Variants in USP39 observed in about 807,000 individuals in gnomAD.
USP39 encodes ubiquitin specific peptidase 39.
USP39 carries 38 observed loss-of-function variants against 66.4 expected under a neutral mutation model. That is an observed-to-expected ratio of 0.57 (90% CI 0.44 to 0.75). USP39 has a LOEUF of 0.75. Among genes scored for constraint, USP39 ranks in the 30% least tolerant of loss-of-function variants. USP39 has a pLI of 0.00. For missense variants in USP39, 608 were observed against 714.4 expected, an observed-to-expected ratio of 0.85 and a Z score of 1.70; for synonymous variants, 303 against 274.6, an observed-to-expected ratio of 1.10 and a Z score of -1.02.
In USP39 at chr2:85,648,823, G is replaced by A. The variant is rs1387010171; in HGVS notation, c.*15G>A. 4 of 1,613,910 alleles carry A rather than the reference G, an allele frequency of 2.5e-6. No homozygotes were observed. The African/African-American group carries it at 5.3e-5, about 22-fold the overall frequency. On this transcript the variant is annotated 3_prime_UTR_variant, in exon 13 of 13. Transcript: ENST00000323701. ...AGGGGGCTTGAAGGAGGCGTCTAGG[G>A]CTTTGCTCCCAAGGGCTGTGGCTGA...
rs115658173 is a variant in USP39, at chr2:85,648,840, T to C, written c.*32T>C. ...CGTCTAGGGCTTTGCTCCCAAGGGC[T>C]GTGGCTGATGATGGTAAATAAGAAC... On this transcript the variant is annotated 3_prime_UTR_variant, in exon 13 of 13. Transcript: ENST00000323701. The C allele has an allele frequency of 5.5e-4, 894 of 1,612,762 alleles. 7 individuals are homozygous for C. In the African/African-American group the frequency reaches 0.011, roughly 21 times the overall value.
At chr2:85,614,074 C>G (rs996148653), upstream of USP39, among the ~76,000 whole-genome samples, 1 of 151,940 alleles carries the variant, frequency 6.6e-6, no homozygotes, top group Admixed American at 6.6e-5. Context: ...GGGCCCAGAT[C>G]CCGTCTCTTG....
chr2:85,616,591 G>A, intron 1 of USP39, 128 bp downstream of exon 1: 2 of 1,377,152 alleles, frequency 1.5e-6, no homozygotes, highest in Non-Finnish European at 9.5e-7. Flanking sequence ...TGGAGAAGAG[G>A]AGGGATCCAG....
intron 5 of USP39, among the ~76,000 whole-genome samples, chr2:85,628,968 A>G (rs1468482332): frequency 6.6e-6 from 1 of 152,134 alleles, no homozygotes; most frequent in Admixed American, 6.6e-5. Context: ...TAAGAAAGAA[A>G]TGTGTTCATG....
At chr2:85,603,600 T>TC (rs1344578507) in intron 1 of USP39, among the ~76,000 whole-genome samples, 1 of 151,338 alleles carries the variant, frequency 6.6e-6, no homozygotes, top group Non-Finnish European at 1.5e-5. Context: ...TTTTTCTTTT[T>TC]TTTTTTTTTG....
At chr2:85,611,843 A>C, upstream of USP39, 1 of 1,601,516 alleles carries the variant, frequency 6.2e-7, no homozygotes, top group Non-Finnish European at 8.5e-7. Context: ...CCAGGCCAGG[A>C]GTGGTGGCGG....
In USP39 at chr2:85,636,430, G is replaced by A. The variant is rs187319933; in HGVS notation, c.1027+300G>A. On this transcript the variant is annotated intron_variant, in intron 7 of 12. Transcript: ENST00000323701. Reference sequence around the variant, plus strand: ...GGGGTAGGCTAGTATCTATGTTATAGATAAACTACATGTTCTTTCTGAATA... The same window carrying A: ...GGGGTAGGCTAGTATCTATGTTATAAATAAACTACATGTTCTTTCTGAATA... Among the ~76,000 whole-genome samples, 40 of 152,260 alleles carry A rather than the reference G, an allele frequency of 2.6e-4. 1 individual carries two copies. The East Asian group carries it at 7.3e-3, about 28-fold the overall frequency.
upstream of USP39, chr2:85,612,195 C>G: frequency 9.4e-7 from 1 of 1,061,462 alleles, no homozygotes; most frequent in African/African-American, 1.6e-5. Context: ...TTCCACCCCC[C>G]GGACGGAGGG....
chr2:85,610,644 G>C (rs1391504125), upstream of USP39: 1 of 152,048 alleles, frequency 6.6e-6, no homozygotes, highest in African/African-American at 2.4e-5. Flanking sequence ...GCCTAACAAA[G>C]GTAGTGGCAC....
At chr2:85,633,591 C>G (rs923135174) in intron 6 of USP39, among the ~76,000 whole-genome samples, 29 of 151,928 alleles carry the variant, frequency 1.9e-4, no homozygotes, top group Admixed American at 1.3e-4. Flanking sequence ...GTGACATAGA[C>G]CCTATATCTA....
At chr2:85,646,370 C>T (rs374621976) in intron 11 of USP39, among the ~76,000 whole-genome samples, 3 of 152,318 alleles carry the variant, frequency 2.0e-5, no homozygotes, top group South Asian at 2.1e-4. Flanking sequence ...TTAGGCAGTA[C>T]GCCAGTTACT....
chr2:85,630,115 C>A (rs1675208033), intron 5 of USP39, among the ~76,000 whole-genome samples: 1 of 151,290 alleles, frequency 6.6e-6, no homozygotes, highest in Non-Finnish European at 1.5e-5. Flanking sequence ...TCCCTCACCA[C>A]CCCCCACACT....
chr2:85,609,580 G>C, upstream of USP39: 2 of 1,614,182 alleles, frequency 1.2e-6, no homozygotes, highest in Middle Eastern at 3.3e-4. Context: ...TGGGTGGGCA[G>C]AGACATCTGG....
intron 10 of USP39, 139 bp from the exon 11 acceptor site, chr2:85,644,809 C>G: frequency 8.9e-7 from 1 of 1,125,380 alleles, no homozygotes; most frequent in Non-Finnish European, 1.2e-6. Flanking sequence ...GCACCTGGAC[C>G]TTCTTGACTC....
At chr2:85,610,910 C>G (rs796549688), upstream of USP39, 10 of 148,358 alleles carry the variant, frequency 6.7e-5, no homozygotes, top group African/African-American at 2.5e-4. Flanking sequence ...AGGCGCCCAC[C>G]ACCACGCCCG....
chr2:85,616,421 C>G lies in USP39; in HGVS notation c.226C>G (p.Arg76Gly), dbSNP rs370005784. 4 of 1,592,854 alleles carry G rather than the reference C, an allele frequency of 2.5e-6. 1 individual carries two copies. The highest frequency in any genetic ancestry group is 1.7e-6 in the Non-Finnish European group (2 of 1,167,948). ...VVPFVRVKREREVDEDSEPER... is the reference protein window; with the variant it reads ...VVPFVRVKREGEVDEDSEPER... The stretch of plus-strand genomic sequence containing the variant: ...CCCGTTTGTGCGGGTGAAGCGGGAG[C>G]GCGAGGTCGATGAGGACTCGGAGCC... Residue 76 changes from arginine (R) to glycine (G), a missense_variant, in exon 1 of 13, where the codon CGC becomes GGC. By Grantham distance (125) the Arg-to-Gly change is moderately radical. Coordinates refer to ENST00000323701, the MANE Select transcript of USP39 (RefSeq NM_006590.4).
chr2:85,637,676 G>T (rs544191685), intron 8 of USP39, among the ~76,000 whole-genome samples: 1 of 152,268 alleles, frequency 6.6e-6, no homozygotes, highest in African/African-American at 2.4e-5. Flanking sequence ...TGGTGCTGCT[G>T]TGTTTTTTCA....
chr2:85,630,103 T>A (rs1675207060), intron 5 of USP39, among the ~76,000 whole-genome samples: 1 of 151,628 alleles, frequency 6.6e-6, no homozygotes, highest in Non-Finnish European at 1.5e-5. Context: ...TGTAGTCTTT[T>A]ATCCCTCACC....
intron 10 of USP39, among the ~76,000 whole-genome samples, chr2:85,643,090 AT>A (rs200657928): frequency 3.5e-4 from 53 of 150,604 alleles, no homozygotes; most frequent in South Asian, 4.2e-4. Context: ...AAAAAAAAAA[AT>A]GAATAGTTTG....
Sources: gnomAD v4.1 joint callset for allele counts (sites outside exome capture counted in the v4.1 genomes callset) on GRCh38, gnomAD v4.1.1 for gene constraint, MANE v1.5 for transcripts, NCBI Gene and HGNC (gene_info 2026-07-23, HGNC 2026-07-21) for gene names.